Variants in DSC2 observed in about 807,000 individuals in gnomAD.
The protein encoded by DSC2 is desmocollin-2.
In DSC2, 51 loss-of-function variants were observed where a neutral mutation model predicts 87.6. That is an observed-to-expected ratio of 0.58 (90% CI 0.46 to 0.74). DSC2 has a LOEUF of 0.74. Among genes scored for constraint, DSC2 ranks in the 30% least tolerant of loss-of-function variants. DSC2 has a pLI of 0.00. For synonymous variants in DSC2, 383 were observed against 393.2 expected (o/e 0.97, Z 0.31); for missense variants, 1,066 against 1,089.5 (o/e 0.98, Z 0.30).
At chr18:31,096,219 C>A (rs561835791) in intron 1 of DSC2, among the ~76,000 whole-genome samples, 1 of 152,192 alleles carries the variant, frequency 6.6e-6, no homozygotes, top group African/African-American at 2.4e-5. Context: ...AAAACCTATG[C>A]CAAAACTAAT....
intron 1 of DSC2, among the ~76,000 whole-genome samples, chr18:31,094,772 G>T (rs755011277): frequency 5.9e-5 from 9 of 152,220 alleles, no homozygotes; most frequent in Non-Finnish European, 1.2e-4. Context: ...CATTTGGAAT[G>T]TTGGGATAGA....
chr18:31,094,561 C>G (rs1182488651), intron 1 of DSC2, among the ~76,000 whole-genome samples: 1 of 152,156 alleles, frequency 6.6e-6, no homozygotes, highest in African/African-American at 2.4e-5. Context: ...GATTCACATT[C>G]TTTTTTTCTA....
In DSC2 at chr18:31,068,971, C is replaced by A. The variant is rs1336396788; in HGVS notation, c.2431G>T (p.Gly811Ter). 1 of 1,614,058 alleles carries A rather than the reference C, an allele frequency of 6.2e-7. No homozygotes were observed. Among genetic ancestry groups the A allele is most frequent in the African/African-American group, 1.3e-5 (1 of 74,996 alleles). ...CAGTTGTCCACCTCCGTGTGTCCTCCCCTGCAGGAGTCCAGGGTGTGATGG... is the reference window on the plus strand; with the variant it reads ...CAGTTGTCCACCTCCGTGTGTCCTCACCTGCAGGAGTCCAGGGTGTGATGG... The part of the protein sequence containing the change: ...GHHHTLDSCR[G>*]GHTEVDNCRY... The change falls in exon 15 of 16, where the codon GGA becomes TGA. Residue 811 changes from glycine (G) to a stop codon, truncating the protein, a stop_gained. Coordinates refer to ENST00000280904, the MANE Select transcript of DSC2 (RefSeq NM_024422.6). LOFTEE classifies it high-confidence loss of function.
chr18:31,067,969 T>A lies in DSC2; in HGVS notation c.*46A>T, dbSNP rs77431927. On this transcript the variant is annotated 3_prime_UTR_variant, in exon 16 of 16. Coordinates refer to ENST00000280904, the MANE Select transcript of DSC2 (RefSeq NM_024422.6). ...AAAATTCTTGGTTTGTAATTTTTTTTAAAAGTCATAAAGCCACTGGCTTTC... is the reference window on the plus strand; with the variant it reads ...AAAATTCTTGGTTTGTAATTTTTTTAAAAAGTCATAAAGCCACTGGCTTTC... The A allele has an allele frequency of 3.1e-3, 4,987 of 1,590,982 alleles. 34 individuals carry two copies. The highest frequency in any genetic ancestry group is 0.026 in the East Asian group (1,137 of 44,572).
chr18:31,079,233 T>C (rs1291963245), intron 11 of DSC2, among the ~76,000 whole-genome samples: 1 of 151,930 alleles, frequency 6.6e-6, no homozygotes, highest in Non-Finnish European at 1.5e-5. Context: ...ACAAGTTTTG[T>C]TTTTGTTTTT....
chr18:31,078,635 G>A (rs1987100016), intron 11 of DSC2, among the ~76,000 whole-genome samples: 1 of 151,876 alleles, frequency 6.6e-6, no homozygotes, highest in Admixed American at 6.6e-5. Context: ...GGCCTTAAAG[G>A]ACAGTCTTTA....
chr18:31,089,296 C>A, intron 5 of DSC2, 143 bp downstream of exon 5: 6 of 772,588 alleles, frequency 7.8e-6, no homozygotes, highest in Admixed American at 2.5e-5. Flanking sequence ...TTTTTTGTTT[C>A]AAGTCAATTA....
Position 31,064,348 on chromosome 18 carries a change from A to C in DSC2, c.*3667T>G, listed in dbSNP as rs957022765. On this transcript the variant is annotated 3_prime_UTR_variant, in exon 16 of 16. Coordinates refer to ENST00000280904, the MANE Select transcript of DSC2 (RefSeq NM_024422.6). ...ATCTTGCACTTTCTCATAGAAGCAC[A>C]GTCCTTCTAGTCTCTGTTTTAAAAG... 6.6e-6 allele frequency: 1 copy of C among 152,190 alleles called. No individual in the cohort carries two copies. The highest frequency in any genetic ancestry group is 2.4e-5 in the African/African-American group (1 of 41,450). The allele number at this position is 152,190 out of a possible 1,614,324, so 9.4% of individuals were successfully genotyped here.
In DSC2 at chr18:31,068,184, T is replaced by G. The variant is rs769957482; in HGVS notation, c.2537A>C (p.Asn846Thr). The G allele has an allele frequency of 3.1e-6, 5 of 1,614,092 alleles. No homozygotes were observed. The highest frequency in any genetic ancestry group is 3.4e-6 in the Non-Finnish European group (4 of 1,179,996). Residue 846 changes from asparagine (N) to threonine (T), a missense_variant, in exon 16 of 16, where the codon AAT becomes ACT. By Grantham distance (65) the Asn-to-Thr change is moderately conservative. Coordinates refer to ENST00000280904, the MANE Select transcript of DSC2 (RefSeq NM_024422.6). ...GACATAGTCTTGGGCATGCTTGTGA[T>G]TTTCATCTTGATTACACAGATACAC... Reference protein sequence around the residue: ...EKVYLCNQDENHKHAQDYVLT... With the variant: ...EKVYLCNQDETHKHAQDYVLT...
chr18:31,082,016 T>C (rs1349547949), intron 9 of DSC2, among the ~76,000 whole-genome samples: 1 of 151,960 alleles, frequency 6.6e-6, no homozygotes, highest in Admixed American at 6.6e-5. Flanking sequence ...GGTTACAAAA[T>C]AGATATTGTA....
At chr18:31,092,928 T>G (rs1027133342) in intron 2 of DSC2, among the ~76,000 whole-genome samples, 14 of 152,224 alleles carry the variant, frequency 9.2e-5, no homozygotes, top group Non-Finnish European at 2.9e-5. Flanking sequence ...AAGTAAATGT[T>G]AATAATTATT....
At chr18:31,072,822 A>G (rs1027650360) in intron 12 of DSC2, among the ~76,000 whole-genome samples, 3 of 152,214 alleles carry the variant, frequency 2.0e-5, no homozygotes, top group Non-Finnish European at 4.4e-5. Flanking sequence ...GGGTAAAAAC[A>G]CATTGAATTA....
chr18:31,074,393 A>AAG (rs1472518239), intron 12 of DSC2, among the ~76,000 whole-genome samples: 1 of 150,194 alleles, frequency 6.7e-6, no homozygotes. Context: ...GACCAAGTCT[A>AAG]AGAGAGAGAA....
At chr18:31,100,678 G>A (rs914193699) in intron 1 of DSC2, among the ~76,000 whole-genome samples, 6 of 152,190 alleles carry the variant, frequency 3.9e-5, no homozygotes, top group African/African-American at 1.4e-4. Context: ...AGTGAGAGCG[G>A]AAGAGAAGGG....
chr18:31,092,180 C>T lies in DSC2; in HGVS notation c.275G>A (p.Arg92Lys), dbSNP rs894057474. ...TNTILLSSEKRSFTILLSNTE... is the reference protein window; with the variant it reads ...TNTILLSSEKKSFTILLSNTE... ...GTTGGAAAGTAATATGGTAAAACTT[C>T]TCTTCTCCGAGGACAATAGAATAGT... Residue 92 changes from arginine (R) to lysine (K), a missense_variant, in exon 3 of 16, where the codon AGA becomes AAA. Arg to Lys is a conservative substitution (Grantham distance 26). Coordinates refer to ENST00000280904, the MANE Select transcript of DSC2 (RefSeq NM_024422.6). The T allele has an allele frequency of 1.9e-6, 3 of 1,613,532 alleles. No homozygotes were observed. The highest frequency in any genetic ancestry group is 2.5e-6 in the Non-Finnish European group (3 of 1,179,758).
chr18:31,068,870 T>C (rs1986719423), intron 15 of DSC2, 24 bp downstream of exon 15: 1 of 1,612,364 alleles, frequency 6.2e-7, no homozygotes. Context: ...AAAATAGATT[T>C]GTAGGCCACT....
In DSC2 at chr18:31,082,422, T is replaced by C. The variant is rs1434478499; in HGVS notation, c.1079A>G (p.Tyr360Cys). ...DHLPTFTRTSYVTSVEENTVD... is the reference protein window; with the variant it reads ...DHLPTFTRTSCVTSVEENTVD... ...TGTATTTTCTTCCACTGATGTCACA[T>C]ACTAAAATAATAAAAGCAAACAAAA... The change falls in exon 9 of 16, where the codon TAT becomes TGT. Residue 360 changes from tyrosine to cysteine, a missense_variant and splice_region_variant. Transcript: ENST00000280904. The C allele has an allele frequency of 6.2e-7, 1 of 1,612,832 alleles. No individual in the cohort carries two copies. Among genetic ancestry groups the C allele is most frequent in the Non-Finnish European group, 8.5e-7 (1 of 1,179,804 alleles).
intron 12 of DSC2, among the ~76,000 whole-genome samples, chr18:31,072,467 A>C (rs1986866247): frequency 6.6e-6 from 1 of 152,208 alleles, no homozygotes; most frequent in African/African-American, 2.4e-5. Context: ...AAAGGCTAGA[A>C]AATATCTAGA....
In DSC2 at chr18:31,074,720, T is replaced by C; in HGVS notation, c.1851A>G (p.Ser617=). 1 of 1,614,020 alleles carries C rather than the reference T, an allele frequency of 6.2e-7. No individual in the cohort carries two copies. The highest frequency in any genetic ancestry group is 8.5e-7 in the Non-Finnish European group (1 of 1,179,968). The change falls in exon 12 of 16, where the codon TCA becomes TCG. Residue 617 remains serine, a synonymous_variant. Coordinates refer to ENST00000280904, the MANE Select transcript of DSC2 (RefSeq NM_024422.6). ...TCAGTCTCCACATTCTCTGTACTTC[T>C]GAAGTAGAACTCTCCAGACTAAAGT... The part of the protein sequence containing the change: ...PFDFSLESST[S]EVQRMWRLKA...
Sources: allele counts gnomAD v4.1 joint callset (sites outside exome capture counted in the v4.1 genomes callset), GRCh38; gene constraint gnomAD v4.1.1; transcripts MANE v1.5; gene names NCBI Gene and HGNC (gene_info 2026-07-23, HGNC 2026-07-21).